Variants in COL6A5 observed in about 807,000 individuals in gnomAD.
COL6A5 encodes collagen type VI alpha 5 chain, also known as collagen alpha-5(VI) chain.
A neutral mutation model predicts 65.6 loss-of-function variants in COL6A5; 48 were observed. That is an observed-to-expected ratio of 0.73 (90% CI 0.58 to 0.93). The LOEUF is 0.93. Among genes scored for constraint, COL6A5 ranks in the 40% least tolerant of loss-of-function variants. The probability of loss-of-function intolerance (pLI) is 0.00; values close to 1 mark genes in which losing one functional copy is unlikely to be tolerated. For missense variants in COL6A5, 914 were observed against 928.3 expected, an observed-to-expected ratio of 0.98 and a Z score of 0.20; for synonymous variants, 291 against 322.8, an observed-to-expected ratio of 0.90 and a Z score of 1.05.
chr3:130,346,934 A>G (rs1934501748), intron 1 of COL6A5, among the ~76,000 whole-genome samples: 2 of 152,228 alleles, frequency 1.3e-5, no homozygotes, highest in Admixed American at 1.3e-4. Context: ...ACAATTTACC[A>G]ATAGAATAAG....
chr3:130,470,646 A>G (rs772383038), intron 6 of COL6A5, among the ~76,000 whole-genome samples: 4 of 152,086 alleles, frequency 2.6e-5, no homozygotes, highest in Non-Finnish European at 5.9e-5. Flanking sequence ...GTATATCACA[A>G]ATTTGTGATA....
At chr3:130,465,875 G>T (rs953969671) in intron 5 of COL6A5, among the ~76,000 whole-genome samples, 1 of 152,032 alleles carries the variant, frequency 6.6e-6, no homozygotes, top group Admixed American at 6.6e-5. Flanking sequence ...AATAGAATTT[G>T]CAGGGTTGAA....
At chr3:130,373,160 G>A (rs1297368841) in intron 1 of COL6A5, among the ~76,000 whole-genome samples, 1 of 152,164 alleles carries the variant, frequency 6.6e-6, no homozygotes, top group African/African-American at 2.4e-5. Context: ...ACAATAAAGG[G>A]TAGAGAATAG....
At chr3:130,482,426 C>T (rs946463871) in intron 7 of COL6A5, among the ~76,000 whole-genome samples, 6 of 152,144 alleles carry the variant, frequency 3.9e-5, no homozygotes, top group African/African-American at 1.4e-4. Context: ...ATACCAATAC[C>T]ATGCTGTTTT....
chr3:130,479,419 C>CAAAAAAAAACA (rs1553761758), intron 7 of COL6A5, among the ~76,000 whole-genome samples: 3 of 151,346 alleles, frequency 2.0e-5, no homozygotes, highest in African/African-American at 7.3e-5. Context: ...TTTTATCAGG[C>CAAAAAAAAACA]AAAACAAAAA....
At chr3:130,409,509 TAGGTGTTGGC>T in intron 18 of COL6A5, 121 bp downstream of exon 18, 5 of 803,568 alleles carry the variant, frequency 6.2e-6, no homozygotes, top group Non-Finnish European at 9.6e-6. Flanking sequence ...GTAGGGGTGA[TAGGTGTTGGC>T]TGAGGCTTTG....
In COL6A5 at chr3:130,410,517, G is replaced by A. The variant is rs373171966; in HGVS notation, c.4655G>A (p.Gly1552Asp). Residue 1552 changes from glycine (G) to aspartate (D), a missense_variant and NMD_transcript_variant, in exon 20 of 42, where the codon GGC becomes GAC. Transcript: ENST00000312481. ...GTGCAAGGCAGTCCTAGTTCCAGAGGCAGCAGGGTAAGTATTTCTGTGGAC... is the reference window on the plus strand; with the variant it reads ...GTGCAAGGCAGTCCTAGTTCCAGAGACAGCAGGGTAAGTATTTCTGTGGAC... 2.2e-5 allele frequency: 34 copies of A among 1,550,196 alleles called. No homozygotes were observed. In the South Asian group the frequency reaches 2.5e-4, roughly 11 times the overall value.
chr3:130,431,207 C>T, upstream of COL6A5: 1 of 680,520 alleles, frequency 1.5e-6, no homozygotes, highest in Non-Finnish European at 2.7e-6. Context: ...TTTCATTTTA[C>T]ACAGCTGACT....
Position 130,435,912 on chromosome 3 carries a change from G to A in COL6A5, c.488-3610G>A, listed in dbSNP as rs541598015. On this transcript the variant is annotated intron_variant, in intron 1 of 7. Coordinates refer to ENST00000512836, the Ensembl canonical transcript of COL6A5. ...AACTTGACTTCCTCTCTTCCTATTC[G>A]AATATCCTTTATTTCTTTCTCTTGC... Among the ~76,000 whole-genome samples the A allele has an allele frequency of 1.6e-4, 24 of 152,062 alleles. No homozygotes were observed. In the East Asian group the frequency reaches 3.7e-3, roughly 23 times the overall value.
At chr3:130,395,563 G>C in intron 8 of COL6A5, 98 bp downstream of exon 8, 1 of 897,438 alleles carries the variant, frequency 1.1e-6, no homozygotes, top group Non-Finnish European at 1.7e-6. Flanking sequence ...CATATATTTA[G>C]AACATATATT....
intron 4 of COL6A5, among the ~76,000 whole-genome samples, chr3:130,448,121 G>T (rs1157778363): frequency 6.6e-6 from 1 of 152,108 alleles, no homozygotes; most frequent in African/African-American, 2.4e-5. Context: ...CAATTAATAT[G>T]GCTATTTGGT....
intron 7 of COL6A5, among the ~76,000 whole-genome samples, chr3:130,472,314 A>G (rs1033249049): frequency 3.3e-5 from 5 of 152,030 alleles, no homozygotes; most frequent in African/African-American, 1.2e-4. Flanking sequence ...CTTAACAACT[A>G]GGGTTTTCTT....
chr3:130,478,460 A>G (rs562693357), intron 7 of COL6A5, among the ~76,000 whole-genome samples: 1 of 152,206 alleles, frequency 6.6e-6, no homozygotes, highest in South Asian at 2.1e-4. Context: ...TGGGTGACAC[A>G]CAAAGATTTT....
At chr3:130,455,388 A>T in intron 4 of COL6A5, 67 bp from the exon 37 acceptor site, 1 of 885,018 alleles carries the variant, frequency 1.1e-6, no homozygotes, top group Non-Finnish European at 1.8e-6. Context: ...GTTAAATGTT[A>T]AGGATGTTTT....
chr3:130,472,870 AATATAG>A (rs911287058), intron 7 of COL6A5, among the ~76,000 whole-genome samples: 2 of 66,946 alleles, frequency 3.0e-5, no homozygotes, highest in Non-Finnish European at 3.1e-5. Flanking sequence ...CACATTTATA[AATATAG>A]ATATAGTTAA....
At position 130,440,514 on chromosome 3, in the gene COL6A5, G is replaced by A. The variant is rs1295960331; in HGVS notation, c.932G>A (p.Gly311Asp). The change falls in exon 3 of 8, where the codon GGT (glycine) becomes GAT (aspartate). Residue 311 changes from glycine (G) to aspartate (D), a missense_variant. By Grantham distance (94) the Gly-to-Asp change is moderately conservative. Coordinates refer to ENST00000512836, the Ensembl canonical transcript of COL6A5. ...CAGCTAAATGGAGAAGCAACAATTG[G>A]TCGTGCCCTACTGTGGACCACTGAA... 2.5e-6 allele frequency: 4 copies of A among 1,613,664 alleles called. No individual in the cohort carries two copies. The Admixed American group carries it at 6.7e-5, about 27-fold the overall frequency.
chr3:130,460,471 G>A (rs533180275), intron 5 of COL6A5, among the ~76,000 whole-genome samples: 7 of 152,218 alleles, frequency 4.6e-5, no homozygotes, highest in African/African-American at 9.6e-5. Flanking sequence ...GAATTCAGAC[G>A]TACATTGATG....
chr3:130,433,319 T>G (rs1937898151), intron 1 of COL6A5, among the ~76,000 whole-genome samples: 1 of 152,156 alleles, frequency 6.6e-6, no homozygotes, highest in African/African-American at 2.4e-5. Flanking sequence ...GACATCAAAT[T>G]TAATCCTTAT....
intron 5 of COL6A5, among the ~76,000 whole-genome samples, chr3:130,458,890 C>A (rs1188668769): frequency 6.6e-6 from 1 of 152,062 alleles, no homozygotes; most frequent in Non-Finnish European, 1.5e-5. Flanking sequence ...CAACAGAATG[C>A]ACTTTGTTCT....
Sources: allele counts gnomAD v4.1 joint callset (sites outside exome capture counted in the v4.1 genomes callset), GRCh38; gene constraint gnomAD v4.1.1; transcripts MANE v1.5; gene names NCBI Gene and HGNC (gene_info 2026-07-23, HGNC 2026-07-21).